The following ALMS1 variants were observed in gnomAD, a reference collection of about 807,000 sequenced individuals.
ALMS1 encodes centrosome-associated protein ALMS1.
A neutral mutation model predicts 352.2 loss-of-function variants in ALMS1; 271 were observed. That is an observed-to-expected ratio of 0.77 (90% CI 0.70 to 0.85). The LOEUF is 0.85. Ranked by LOEUF, ALMS1 falls within the 40% of genes least tolerant of loss-of-function variation. The pLI, the probability that ALMS1 is intolerant of heterozygous loss-of-function variation, is 0.00. For synonymous variants in ALMS1, 1,865 were observed against 1,761.2 expected (o/e 1.06, Z -1.48); for missense variants, 5,445 against 4,870.7 (o/e 1.12, Z -3.51).
chr2:73,528,998 T>C (rs1356422697), intron 11 of ALMS1, among the ~76,000 whole-genome samples: 1 of 151,874 alleles, frequency 6.6e-6, no homozygotes, highest in African/African-American at 2.4e-5. Context: ...CTGAGTTCTT[T>C]CTCTGTGTCA....
intron 20 of ALMS1, among the ~76,000 whole-genome samples, chr2:73,602,761 T>TA (rs1235086376): frequency 6.6e-6 from 1 of 152,172 alleles, no homozygotes; most frequent in African/African-American, 2.4e-5. Flanking sequence ...CATTAGCGCT[T>TA]ACAGCACTCT....
Position 73,432,198 on chromosome 2 carries a change from C to T in ALMS1, c.1339C>T (p.Pro447Ser). The T allele has an allele frequency of 6.2e-7, 1 of 1,610,772 alleles. No individual in the cohort carries two copies. Among genetic ancestry groups the T allele is most frequent in the Non-Finnish European group, 8.5e-7 (1 of 1,177,216 alleles). Residue 447 changes from proline (P) to serine (S), a missense_variant and splice_region_variant, in exon 7 of 23, where the codon CCA (proline) becomes TCA (serine). By Grantham distance (74) the Pro-to-Ser change is moderately conservative. Transcript: ENST00000613296. ...SERVAELQRK[P>S]TRESEYHSSD... ...ATTGCCTTCATTTGTTCCACATAAG[C>T]CAACAAGAGAGTCGGAATATCACTC... is the stretch of plus-strand genomic sequence containing the variant.
Position 73,463,009 on chromosome 2 carries a change from G to C in ALMS1, c.7674+7714G>C, listed in dbSNP as rs550958683. 2.6e-5 allele frequency among the ~76,000 whole-genome samples: 4 copies of C among 152,214 alleles called. No homozygotes were observed. In the South Asian group the frequency reaches 8.3e-4, roughly 32 times the overall value. On this transcript the variant is annotated intron_variant, in intron 9 of 22. Coordinates refer to ENST00000613296, the MANE Select transcript of ALMS1 (RefSeq NM_001378454.1). ...TTAGACTCCCACACAATAACAATGGGAGACTTTAACACCCCACTGTCAACA... is the reference window on the plus strand; with the variant it reads ...TTAGACTCCCACACAATAACAATGGCAGACTTTAACACCCCACTGTCAACA...
intron 16 of ALMS1, among the ~76,000 whole-genome samples, chr2:73,597,839 G>A (rs986480668): frequency 6.6e-6 from 1 of 151,738 alleles, no homozygotes; most frequent in South Asian, 2.1e-4. Context: ...TAATGAGCAG[G>A]ACTTTACAAT....
intron 10 of ALMS1, among the ~76,000 whole-genome samples, chr2:73,496,657 T>C (rs978177720): frequency 1.3e-5 from 2 of 151,294 alleles, no homozygotes; most frequent in Non-Finnish European, 3.0e-5. Context: ...GCTAAACTAA[T>C]ACTGGTTTTT....
At chr2:73,584,790 C>A (rs1973772) in intron 16 of ALMS1, among the ~76,000 whole-genome samples, 4 of 151,930 alleles carry the variant, frequency 2.6e-5, no homozygotes, top group African/African-American at 9.7e-5. Flanking sequence ...CGCTCCCACC[C>A]TTCCCCCCTA....
At chr2:73,500,811 C>T (rs1279164871) in intron 10 of ALMS1, among the ~76,000 whole-genome samples, 1 of 152,170 alleles carries the variant, frequency 6.6e-6, no homozygotes, top group Admixed American at 6.6e-5. Flanking sequence ...TTATGATCTT[C>T]AATCTGCCTG....
chr2:73,424,899 A>G lies in ALMS1; in HGVS notation c.1234A>G (p.Thr412Ala), dbSNP rs1347290964. 2 of 1,593,416 alleles carry G rather than the reference A, an allele frequency of 1.3e-6. No individual in the cohort carries two copies. The highest frequency in any genetic ancestry group is 3.5e-5 in the Admixed American group (2 of 57,744). The change falls in exon 5 of 23, where the codon ACC (threonine) becomes GCC (alanine). Residue 412 changes from threonine (T) to alanine (A), a missense_variant. Transcript: ENST00000613296. The part of the protein sequence containing the change: ...DSSKQAETYL[T>A]KGLQGKVESD... Reference sequence around the variant, plus strand: ...ATCTAAGCAGGCAGAAACATATTTAACCAGTAAGTACCCTGATTCTTTTTC... The same window carrying G: ...ATCTAAGCAGGCAGAAACATATTTAGCCAGTAAGTACCCTGATTCTTTTTC...
At chr2:73,497,759 A>G (rs1326633087) in intron 10 of ALMS1, among the ~76,000 whole-genome samples, 2 of 152,100 alleles carry the variant, frequency 1.3e-5, no homozygotes, top group Admixed American at 6.6e-5. Flanking sequence ...CGTGGTGTAT[A>G]TATACCACAT....
At chr2:73,547,770 G>C (rs1674351769) in intron 12 of ALMS1, among the ~76,000 whole-genome samples, 1 of 152,174 alleles carries the variant, frequency 6.6e-6, no homozygotes, top group Non-Finnish European at 1.5e-5. Flanking sequence ...TTATAGATGG[G>C]AAGGCGGAGA....
At chr2:73,399,621 T>G (rs1670831671) in intron 1 of ALMS1, among the ~76,000 whole-genome samples, 1 of 151,968 alleles carries the variant, frequency 6.6e-6, no homozygotes, top group South Asian at 2.1e-4. Context: ...TCCAGTCACC[T>G]TGTACCAGAC....
intron 2 of ALMS1, among the ~76,000 whole-genome samples, 165 bp from the exon 3 acceptor site, chr2:73,418,958 G>A (rs571820483): frequency 6.6e-6 from 1 of 152,260 alleles, no homozygotes; most frequent in African/African-American, 2.4e-5. Flanking sequence ...GGTCTAAAAT[G>A]TAGTTAATAT....
At position 73,400,500 on chromosome 2, in the gene ALMS1, A is replaced by G. The variant is rs140670566; in HGVS notation, c.325-8122A>G. On this transcript the variant is annotated intron_variant, in intron 1 of 22. Coordinates refer to ENST00000613296, the MANE Select transcript of ALMS1 (RefSeq NM_001378454.1). The stretch of plus-strand genomic sequence containing the variant: ...TCTCTCTGATTCTGTCTTCTGAGAG[A>G]TTTTAGAGAACTGGTACAATTTCCT... Among the ~76,000 whole-genome samples the G allele has an allele frequency of 4.1e-3, 622 of 152,152 alleles. 6 individuals are homozygous for G. The highest frequency in any genetic ancestry group is 0.014 in the African/African-American group (589 of 41,484).
At chr2:73,572,147 T>C in intron 15 of ALMS1, 115 bp from the exon 16 acceptor site, 1 of 905,142 alleles carries the variant, frequency 1.1e-6, no homozygotes, top group Non-Finnish European at 1.6e-6. Flanking sequence ...TGATACCTTA[T>C]ATAAACTATT....
intron 12 of ALMS1, among the ~76,000 whole-genome samples, chr2:73,540,634 A>G (rs1165323261): frequency 6.6e-6 from 1 of 152,210 alleles, no homozygotes; most frequent in South Asian, 2.1e-4. Context: ...AACCCATCTC[A>G]TGTGCAGAGT....
intron 21 of ALMS1, 34 bp downstream of exon 21, chr2:73,603,338 T>G (rs1359801087): frequency 1.2e-6 from 2 of 1,605,650 alleles, no homozygotes; most frequent in Non-Finnish European, 1.7e-6. Context: ...CGTATACAAG[T>G]GTAAACCAGG....
chr2:73,461,138 T>G (rs1672190425), intron 9 of ALMS1, among the ~76,000 whole-genome samples: 1 of 152,172 alleles, frequency 6.6e-6, no homozygotes, highest in South Asian at 2.1e-4. Flanking sequence ...GCAGACTGCC[T>G]CCTCAAGTGG....
intron 9 of ALMS1, among the ~76,000 whole-genome samples, chr2:73,488,900 T>C (rs1251435773): frequency 6.6e-6 from 1 of 152,130 alleles, no homozygotes; most frequent in Non-Finnish European, 1.5e-5. Context: ...TTTCCCCCCA[T>C]TGTTAGGGGT....
chr2:73,452,504 A>G lies in ALMS1; in HGVS notation c.5977A>G (p.Lys1993Glu). Residue 1993 changes from lysine to glutamate, a missense_variant, in exon 8 of 23, where the codon AAA becomes GAA. Physicochemically the swap from Lys to Glu is moderately conservative, Grantham distance 56 (BLOSUM62 1). Transcript: ENST00000613296. ...GTCTAGTTCCTACTCACATTCACAT[A>G]AAGAGAAACTCAAGATTTCAACTGT... ...GLSSSYSHSH[K>E]EKLKISTVHI... The G allele has an allele frequency of 6.2e-7, 1 of 1,614,090 alleles. No individual in the cohort carries two copies. Among genetic ancestry groups the G allele is most frequent in the Admixed American group, 1.7e-5 (1 of 60,004 alleles).
Sources: gnomAD v4.1 joint callset for allele counts (sites outside exome capture counted in the v4.1 genomes callset) on GRCh38, gnomAD v4.1.1 for gene constraint, MANE v1.5 for transcripts, NCBI Gene and HGNC (gene_info 2026-07-23, HGNC 2026-07-21) for gene names.